SLC38A12: variants seen among roughly 807,000 people sequenced by gnomAD.
The protein encoded by SLC38A12 is solute carrier family 38 member 12.
the SLC38A12 span, among the ~76,000 whole-genome samples, chr17:74,796,605 G>T: frequency 1.3e-5 from 2 of 152,256 alleles, no homozygotes; most frequent in African/African-American, 4.8e-5. Flanking sequence ...GAGCCCTGTG[G>T]CCTGGGCCAT....
At chr17:74,795,421 G>A in the SLC38A12 span, 1 of 1,008,800 alleles carries the variant, frequency 9.9e-7, no homozygotes, top group Non-Finnish European at 1.5e-6. Flanking sequence ...TGAAAAGTCT[G>A]ATTGTTGGCG....
At chr17:74,783,434 A>G in the SLC38A12 span, among the ~76,000 whole-genome samples, 1 of 152,204 alleles carries the variant, frequency 6.6e-6, no homozygotes, top group Non-Finnish European at 1.5e-5. Context: ...GGAGCCTGGG[A>G]AGGACTTTGT....
the SLC38A12 span, chr17:74,837,545 A>G: frequency 5.1e-6 from 5 of 985,414 alleles, no homozygotes; most frequent in East Asian, 2.3e-4. Flanking sequence ...TGGCAGTGAC[A>G]TGGCAGTGGG....
the SLC38A12 span, among the ~76,000 whole-genome samples, chr17:74,818,692 T>C: frequency 3.3e-5 from 5 of 152,240 alleles, no homozygotes; most frequent in Non-Finnish European, 7.3e-5. Flanking sequence ...CCGAGCCGCC[T>C]GCCGCATCTC....
chr17:74,791,045 T>C, the SLC38A12 span: 1 of 1,612,606 alleles, frequency 6.2e-7, no homozygotes, highest in Non-Finnish European at 8.5e-7. Context: ...AGGTAGAAGT[T>C]CTTTTGGGGG....
the SLC38A12 span, among the ~76,000 whole-genome samples, chr17:74,832,501 C>A: frequency 6.6e-6 from 1 of 152,262 alleles, no homozygotes; most frequent in African/African-American, 2.4e-5. Context: ...TCTTCTAGAA[C>A]CACCTGTCCT....
the SLC38A12 span, among the ~76,000 whole-genome samples, chr17:74,780,929 T>TTCCTAA: frequency 1.3e-5 from 2 of 152,244 alleles, no homozygotes; most frequent in African/African-American, 4.8e-5. Context: ...TTTGGGAGCA[T>TTCCTAA]GCTTATTTCA....
chr17:74,777,445 T>C, the SLC38A12 span: 2 of 1,607,688 alleles, frequency 1.2e-6, no homozygotes, highest in Non-Finnish European at 8.5e-7. Flanking sequence ...CATTGCTTGC[T>C]GGAGATGGGA....
At chr17:74,799,996 A>G in the SLC38A12 span, among the ~76,000 whole-genome samples, 1 of 152,204 alleles carries the variant, frequency 6.6e-6, no homozygotes, top group Non-Finnish European at 1.5e-5. Context: ...CCACACAGTA[A>G]AGTACACAGC....
the SLC38A12 span, among the ~76,000 whole-genome samples, chr17:74,787,428 C>T: frequency 6.6e-6 from 1 of 151,006 alleles, no homozygotes; most frequent in East Asian, 1.9e-4. Flanking sequence ...CGAGACCATC[C>T]TGGCTAACAA....
chr17:74,798,351 T>G, the SLC38A12 span, among the ~76,000 whole-genome samples: 2 of 152,170 alleles, frequency 1.3e-5, no homozygotes, highest in African/African-American at 4.8e-5. Context: ...ACAGTAACTG[T>G]CTCCAGGGCT....
the SLC38A12 span, among the ~76,000 whole-genome samples, chr17:74,821,205 T>C: frequency 6.6e-6 from 1 of 152,234 alleles, no homozygotes; most frequent in African/African-American, 2.4e-5. Flanking sequence ...GGTTTGTCCT[T>C]GCAAGGAGAT....
the SLC38A12 span, among the ~76,000 whole-genome samples, chr17:74,787,483 G>A: frequency 5.3e-5 from 8 of 151,728 alleles, no homozygotes; most frequent in African/African-American, 1.7e-4. Context: ...TTAGCCGGGC[G>A]CGGTGGCGGG....
the SLC38A12 span, among the ~76,000 whole-genome samples, chr17:74,782,495 C>T: frequency 6.6e-6 from 1 of 152,190 alleles, no homozygotes; most frequent in Admixed American, 6.5e-5. Context: ...GTAGAAGGCT[C>T]TTGTTGGTTT....
chr17:74,828,561 A>G, the SLC38A12 span, among the ~76,000 whole-genome samples: 1 of 152,222 alleles, frequency 6.6e-6, no homozygotes, highest in East Asian at 1.9e-4. Flanking sequence ...AGGGCCCTCT[A>G]TGGCTCCCAA....
the SLC38A12 span, chr17:74,837,945 G>A: frequency 4.1e-5 from 40 of 985,416 alleles, no homozygotes; most frequent in Non-Finnish European, 4.5e-5. Flanking sequence ...TCTCTGGGGT[G>A]GGTCTCAGGC....
At chr17:74,795,195 A>AC in the SLC38A12 span, 3 of 1,177,672 alleles carry the variant, frequency 2.5e-6, no homozygotes, top group South Asian at 1.2e-5. Flanking sequence ...GGGGAGAAGC[A>AC]CCATGCCAAG....
the SLC38A12 span, among the ~76,000 whole-genome samples, chr17:74,811,269 G>T: frequency 6.6e-6 from 1 of 152,188 alleles, no homozygotes; most frequent in Non-Finnish European, 1.5e-5. Context: ...GGTCAAGGCT[G>T]CAGTGAATCA....
chr17:74,800,995 C>T, the SLC38A12 span, among the ~76,000 whole-genome samples: 1 of 152,292 alleles, frequency 6.6e-6, no homozygotes, highest in African/African-American at 2.4e-5. Context: ...ATGTGGTTCA[C>T]GTGAGTTAGG....
Sources: gnomAD v4.1 joint callset for allele counts (sites outside exome capture counted in the v4.1 genomes callset) on GRCh38, gnomAD v4.1.1 for gene constraint, MANE v1.5 for transcripts, NCBI Gene and HGNC (gene_info 2026-07-23, HGNC 2026-07-21) for gene names.